The following SH3RF2 variants were observed in gnomAD, a reference collection of about 807,000 sequenced individuals.
The protein encoded by SH3RF2 is SH3 domain containing ring finger 2.
SH3RF2 carries 43 observed loss-of-function variants against 59.0 expected under a neutral mutation model. That is an observed-to-expected ratio of 0.73 (90% confidence interval 0.57 to 0.94). The LOEUF (loss-of-function observed/expected upper bound fraction) is 0.94, where lower values mean the gene tolerates loss of function less well. SH3RF2 is among the 40% of genes least tolerant of loss of function. The pLI is 0.00. For missense variants in SH3RF2, 930 were observed against 940.1 expected, an observed-to-expected ratio of 0.99 and a Z score of 0.14; for synonymous variants, 391 against 391.5, an observed-to-expected ratio of 1.00 and a Z score of 0.01.
chr5:146,003,131 A>G (rs1402672734), intron 3 of SH3RF2, among the ~76,000 whole-genome samples: 1 of 152,238 alleles, frequency 6.6e-6, no homozygotes, highest in East Asian at 1.9e-4. Flanking sequence ...TGGTTTATGG[A>G]CAAGGAAAGG....
rs148580931 is a variant in SH3RF2, at chr5:145,987,156, A to G, written c.379-12902A>G. On this transcript the variant is annotated intron_variant, in intron 2 of 9. Coordinates refer to ENST00000359120, the MANE Select transcript of SH3RF2 (RefSeq NM_152550.4). ...GAAAGAGAGAGACACTTGCTAATAT[A>G]GTCCAGGAATGAGAAAACAGGAAAA... Among the ~76,000 whole-genome samples, 60 of 152,356 alleles carry G rather than the reference A, an allele frequency of 3.9e-4. 2 individuals are homozygous for G. In the East Asian group the frequency reaches 0.01, roughly 26 times the overall value.
rs1309052106 is a variant in SH3RF2, at chr5:146,052,326, T to A, written c.1322+3081T>A. Among the ~76,000 whole-genome samples the A allele has an allele frequency of 3.3e-5, 5 of 152,104 alleles. No individual in the cohort carries two copies. In the East Asian group the frequency reaches 7.7e-4, roughly 24 times the overall value. On this transcript the variant is annotated intron_variant, in intron 7 of 9. Coordinates refer to ENST00000359120, the MANE Select transcript of SH3RF2 (RefSeq NM_152550.4). ...TGTATTTCAAGGCTCCAGTTTTCATTTCTCTCCTTGGCCAAGGTCGGTCTA... is the reference window on the plus strand; with the variant it reads ...TGTATTTCAAGGCTCCAGTTTTCATATCTCTCCTTGGCCAAGGTCGGTCTA...
At chr5:145,997,305 C>A in intron 2 of SH3RF2, 1 of 1,036,506 alleles carries the variant, frequency 9.6e-7, no homozygotes, top group Non-Finnish European at 1.5e-6. Flanking sequence ...CAAAAAGCAG[C>A]TAGTGAAACC....
chr5:146,055,817 G>A (rs1341031474), intron 7 of SH3RF2, 164 bp from the exon 8 acceptor site: 3 of 768,276 alleles, frequency 3.9e-6, no homozygotes, highest in East Asian at 2.6e-5. Flanking sequence ...GCCAACTTTA[G>A]TTAAGCCTGT....
downstream of SH3RF2, among the ~76,000 whole-genome samples, chr5:146,067,654 C>T (rs79166026): frequency 0.04 from 6,102 of 152,318 alleles, 150 homozygotes; most frequent in South Asian, 0.061. Context: ...CTTTCTCATA[C>T]GGCATGGCAG....
chr5:146,068,729 C>T (rs1763162927), intron 9 of SH3RF2, among the ~76,000 whole-genome samples: 1 of 134,738 alleles, frequency 7.4e-6, no homozygotes, highest in Non-Finnish European at 1.6e-5. Context: ...CCCAGGTGGC[C>T]CTATGCCCAC....
At chr5:146,055,228 G>A (rs1456527331) in intron 7 of SH3RF2, among the ~76,000 whole-genome samples, 1 of 152,234 alleles carries the variant, frequency 6.6e-6, no homozygotes, top group Admixed American at 6.5e-5. Flanking sequence ...CAACTAGCCA[G>A]GAGGTGGTAT....
At chr5:146,041,109 T>C (rs748596543) in intron 5 of SH3RF2, among the ~76,000 whole-genome samples, 5 of 152,226 alleles carry the variant, frequency 3.3e-5, no homozygotes, top group Non-Finnish European at 7.3e-5. Flanking sequence ...GGCATCAAGC[T>C]GTCCACCCAT....
intron 2 of SH3RF2, among the ~76,000 whole-genome samples, chr5:145,943,045 T>C (rs1172312682): frequency 2.6e-5 from 4 of 151,708 alleles, no homozygotes; most frequent in African/African-American, 9.7e-5. Context: ...TTAAAATGAT[T>C]AAAATGAGAT....
At chr5:146,035,387 T>C (rs1247529661) in intron 5 of SH3RF2, among the ~76,000 whole-genome samples, 2 of 152,232 alleles carry the variant, frequency 1.3e-5, no homozygotes, top group Admixed American at 1.3e-4. Context: ...CTGACTTCAG[T>C]TTGCTTCACC....
chr5:146,070,676 T>C (rs1390654915), intron 9 of SH3RF2, among the ~76,000 whole-genome samples: 1 of 152,212 alleles, frequency 6.6e-6, no homozygotes, highest in Non-Finnish European at 1.5e-5. Flanking sequence ...TGACCCCCAC[T>C]TCCATCTCCT....
chr5:146,038,091 C>T (rs11740034), intron 5 of SH3RF2, among the ~76,000 whole-genome samples: 42,945 of 151,802 alleles, frequency 0.28, 7,652 homozygotes, highest in Non-Finnish European at 0.38. Flanking sequence ...GTGATATTTT[C>T]AATAGGTACA....
intron 2 of SH3RF2, among the ~76,000 whole-genome samples, chr5:145,973,960 T>C (rs973051853): frequency 2.0e-5 from 3 of 152,214 alleles, no homozygotes; most frequent in Admixed American, 6.5e-5. Context: ...ACACTTATTA[T>C]CTCACAGGTT....
At chr5:146,077,237 G>A (rs1419185492) in intron 9 of SH3RF2, among the ~76,000 whole-genome samples, 1 of 152,110 alleles carries the variant, frequency 6.6e-6, no homozygotes, top group Non-Finnish European at 1.5e-5. Context: ...CTTTCCTCTG[G>A]AGCATCCTCA....
intron 5 of SH3RF2, chr5:146,043,056 C>G (rs1048494398): frequency 6.6e-6 from 1 of 152,254 alleles, no homozygotes; most frequent in Non-Finnish European, 1.5e-5. Context: ...CCTCCTTCTT[C>G]GATCCCAGTG....
chr5:146,060,307 G>A, intron 9 of SH3RF2, 83 bp downstream of exon 9: 1 of 1,368,206 alleles, frequency 7.3e-7, no homozygotes, highest in Non-Finnish European at 9.8e-7. Flanking sequence ...TTTAGTGTTG[G>A]TGAACAAGGA....
In SH3RF2 at chr5:146,060,161, G is replaced by T. The variant is rs372460861; in HGVS notation, c.1851G>T (p.Pro617=). 3.6e-4 allele frequency: 575 copies of T among 1,613,714 alleles called. No individual in the cohort carries two copies. Among genetic ancestry groups the T allele is most frequent in the Non-Finnish European group, 4.7e-4 (554 of 1,179,906 alleles). Residue 617 remains proline, a synonymous_variant, in exon 9 of 10, where the codon CCG becomes CCT. Coordinates refer to ENST00000359120, the MANE Select transcript of SH3RF2 (RefSeq NM_152550.4). ...TCAAGAGTGAGCCTCTGCCAAAACC[G>T]CCCGCATCTGCCCCACCATCCATCC... The part of the protein sequence containing the change: ...IPIKSEPLPK[P]PASAPPSILV...
chr5:146,074,292 T>A (rs1345415880), intron 9 of SH3RF2, among the ~76,000 whole-genome samples: 2 of 152,190 alleles, frequency 1.3e-5, no homozygotes, highest in Non-Finnish European at 2.9e-5. Context: ...CAATAAGTAT[T>A]TGTTGAATGA....
Position 145,937,991 on chromosome 5 carries a change from C to G in SH3RF2, c.63C>G (p.Val21=). ...CTGTGTGCTTTGAGAAGCTCGATGTCACAGCCAAAGTCCTCCCTTGCCAGC... is the reference window on the plus strand; with the variant it reads ...CTGTGTGCTTTGAGAAGCTCGATGTGACAGCCAAAGTCCTCCCTTGCCAGC... ...ECPVCFEKLD[V]TAKVLPCQHT... The change falls in exon 2 of 10, where the codon GTC becomes GTG. Residue 21 remains valine, a synonymous_variant. Coordinates refer to ENST00000359120, the MANE Select transcript of SH3RF2 (RefSeq NM_152550.4). 1.2e-6 allele frequency: 2 copies of G among 1,614,198 alleles called. No homozygotes were observed. Among genetic ancestry groups the G allele is most frequent in the Non-Finnish European group, 1.7e-6 (2 of 1,180,034 alleles).
Sources: gnomAD v4.1 joint callset for allele counts (sites outside exome capture counted in the v4.1 genomes callset) on GRCh38, gnomAD v4.1.1 for gene constraint, MANE v1.5 for transcripts, NCBI Gene and HGNC (gene_info 2026-07-23, HGNC 2026-07-21) for gene names.